The following DCDC1 variants were observed in gnomAD, a reference collection of about 807,000 sequenced individuals.
DCDC1 encodes doublecortin domain containing 1, also known as doublecortin domain-containing protein 1.
DCDC1 carries 200 observed loss-of-function variants against 178.3 expected under a neutral mutation model. That is an observed-to-expected ratio of 1.12 (90% CI 1.00 to 1.26). The LOEUF (loss-of-function observed/expected upper bound fraction) is 1.26, where lower values mean the gene tolerates loss of function less well. Among genes scored for constraint, DCDC1 ranks in the 50% most tolerant of loss-of-function variants. The pLI is 0.00. For synonymous variants in DCDC1, 690 were observed against 604.8 expected (o/e 1.14, Z -2.07); for missense variants, 1,983 against 1,749.2 (o/e 1.13, Z -2.38).
chr11:31,223,713 T>C (rs1034756842), intron 9 of DCDC1, among the ~76,000 whole-genome samples: 2 of 152,208 alleles, frequency 1.3e-5, no homozygotes, highest in African/African-American at 4.8e-5. Context: ...TCAGCATAAA[T>C]ATGTCTCATA....
intron 20 of DCDC1, among the ~76,000 whole-genome samples, chr11:31,004,008 T>C (rs1300537101): frequency 6.6e-6 from 1 of 152,166 alleles, no homozygotes; most frequent in Non-Finnish European, 1.5e-5. Flanking sequence ...TGCTGTTCAC[T>C]GAGAGAAGGA....
chr11:31,298,798 C>G (rs149993710), intron 6 of DCDC1, among the ~76,000 whole-genome samples: 135 of 152,230 alleles, frequency 8.9e-4, no homozygotes, highest in African/African-American at 3.1e-3. Context: ...TTCCATTTTG[C>G]TTGTACCAAG....
At chr11:30,865,504 G>C (rs189509476) in intron 38 of DCDC1, among the ~76,000 whole-genome samples, 172 bp from the exon 39 acceptor site, 4 of 152,230 alleles carry the variant, frequency 2.6e-5, no homozygotes, top group Non-Finnish European at 5.9e-5. Flanking sequence ...AAAATTTATA[G>C]AGGCATCCCC....
intron 9 of DCDC1, among the ~76,000 whole-genome samples, chr11:31,225,783 G>A (rs79458981): frequency 0.016 from 2,481 of 150,468 alleles, 32 homozygotes; most frequent in South Asian, 0.044. Context: ...AAAATCTGAA[G>A]AAAGGATTTG....
At chr11:30,869,386 G>T (rs1435946362) in intron 38 of DCDC1, among the ~76,000 whole-genome samples, 1 of 152,224 alleles carries the variant, frequency 6.6e-6, no homozygotes, top group Admixed American at 6.5e-5. Flanking sequence ...ATATTTCAAT[G>T]CATGGCTAAA....
At chr11:31,015,392 C>G (rs1952431508) in intron 20 of DCDC1, among the ~76,000 whole-genome samples, 1 of 152,162 alleles carries the variant, frequency 6.6e-6, no homozygotes, top group South Asian at 2.1e-4. Flanking sequence ...TGGGTTTTCA[C>G]TGAAATGCTT....
At chr11:30,976,218 A>G (rs1368830134) in intron 20 of DCDC1, among the ~76,000 whole-genome samples, 1 of 152,092 alleles carries the variant, frequency 6.6e-6, no homozygotes, top group Admixed American at 6.6e-5. Flanking sequence ...TAAACCTAAG[A>G]CCCGAAACTA....
At chr11:31,060,036 G>C (rs1242768939) in intron 20 of DCDC1, among the ~76,000 whole-genome samples, 1 of 151,888 alleles carries the variant, frequency 6.6e-6, no homozygotes, top group African/African-American at 2.4e-5. Context: ...TAAGAGAAAA[G>C]AACCTTGAAT....
In DCDC1 at chr11:31,084,655, A is replaced by G. The variant is rs901057857; in HGVS notation, c.2238-6730T>C. 1.4e-4 allele frequency among the ~76,000 whole-genome samples: 22 copies of G among 152,098 alleles called. 1 individual carries two copies. Among genetic ancestry groups the G allele is most frequent in the Non-Finnish European group, 2.8e-4 (19 of 68,000 alleles). Reference sequence around the variant, plus strand: ...GATGATATGCCTTTGTATTAATGCAACTTGCCTTCAACTTAAGTACTTCCC... The same window carrying G: ...GATGATATGCCTTTGTATTAATGCAGCTTGCCTTCAACTTAAGTACTTCCC... On this transcript the variant is annotated intron_variant, in intron 17 of 38. Coordinates refer to ENST00000684477, the MANE Select transcript of DCDC1 (RefSeq NM_001387274.1).
intron 17 of DCDC1, among the ~76,000 whole-genome samples, chr11:31,084,814 G>A (rs796179596): frequency 7.2e-5 from 11 of 151,732 alleles, no homozygotes; most frequent in African/African-American, 2.7e-4. Flanking sequence ...TGAGTCTTCA[G>A]CCTCAGCCCA....
intron 9 of DCDC1, among the ~76,000 whole-genome samples, chr11:31,207,025 C>G (rs920484428): frequency 6.6e-6 from 1 of 152,078 alleles, no homozygotes; most frequent in Non-Finnish European, 1.5e-5. Context: ...TAACAAAATC[C>G]TACATTACAA....
chr11:31,048,942 TCTTAA>T (rs1955061567), intron 20 of DCDC1, among the ~76,000 whole-genome samples: 1 of 152,302 alleles, frequency 6.6e-6, no homozygotes, highest in South Asian at 2.1e-4. Context: ...TAACAATTAT[TCTTAA>T]CTTATTTGAA....
In DCDC1 at chr11:31,091,379, T is replaced by C; in HGVS notation, c.2237+14A>G. The C allele has an allele frequency of 2.8e-6, 2 of 716,318 alleles. No individual in the cohort carries two copies. Among genetic ancestry groups the C allele is most frequent in the South Asian group, 1.5e-5 (1 of 68,362 alleles). The allele number at this position is 716,318 out of a possible 1,614,324, so 44.4% of individuals were successfully genotyped here. ...GCATTTATTATCTTGAGCTAAATAATTTATAAGCATTACCTTTTCTGTAAG... is the reference window on the plus strand; with the variant it reads ...GCATTTATTATCTTGAGCTAAATAACTTATAAGCATTACCTTTTCTGTAAG... On this transcript the variant is annotated intron_variant, in intron 17 of 38. Transcript: ENST00000684477.
intron 20 of DCDC1, among the ~76,000 whole-genome samples, chr11:31,007,296 A>G (rs1399935161): frequency 6.6e-6 from 1 of 152,240 alleles, no homozygotes; most frequent in Non-Finnish European, 1.5e-5. Flanking sequence ...GACCTCAGAT[A>G]GTGACATCTA....
At chr11:31,019,448 T>C (rs1952718368) in intron 20 of DCDC1, among the ~76,000 whole-genome samples, 1 of 151,828 alleles carries the variant, frequency 6.6e-6, no homozygotes, top group East Asian at 1.9e-4. Flanking sequence ...AAAAAATCAA[T>C]AGGGTGATAT....
intron 9 of DCDC1, among the ~76,000 whole-genome samples, chr11:31,145,859 T>C (rs748894711): frequency 3.3e-5 from 5 of 152,328 alleles, no homozygotes; most frequent in Non-Finnish European, 2.9e-5. Flanking sequence ...CTGCATTTAT[T>C]CCTCTCCTTT....
chr11:31,248,939 T>C (rs1229869437), intron 8 of DCDC1, among the ~76,000 whole-genome samples: 2 of 152,136 alleles, frequency 1.3e-5, no homozygotes, highest in African/African-American at 4.8e-5. Context: ...TAGTAGCAAT[T>C]AGGCTGTTTG....
At chr11:30,893,174 G>C (rs1943928713) in intron 35 of DCDC1, among the ~76,000 whole-genome samples, 177 bp from the exon 36 acceptor site, 1 of 152,022 alleles carries the variant, frequency 6.6e-6, no homozygotes, top group South Asian at 2.1e-4. Flanking sequence ...AATTCCCCTT[G>C]CTTCAATGAA....
chr11:30,926,370 G>A (rs1946588672), intron 22 of DCDC1, among the ~76,000 whole-genome samples: 1 of 152,192 alleles, frequency 6.6e-6, no homozygotes, highest in African/African-American at 2.4e-5. Flanking sequence ...TAGCCCATAA[G>A]CAGCAGAAAG....
Sources: gnomAD v4.1 joint callset for allele counts (sites outside exome capture counted in the v4.1 genomes callset) on GRCh38, gnomAD v4.1.1 for gene constraint, MANE v1.5 for transcripts, NCBI Gene and HGNC (gene_info 2026-07-23, HGNC 2026-07-21) for gene names.